Variants in SMG6 observed in about 807,000 individuals in gnomAD.
SMG6 encodes SMG6 nonsense mediated mRNA decay factor, also known as telomerase-binding protein EST1A.
SMG6 carries 66 observed loss-of-function variants against 142.2 expected under a neutral mutation model. The ratio of observed to expected loss-of-function variants is 0.46; its 90% CI spans 0.38 to 0.57. The LOEUF is 0.57. Among genes scored for constraint, SMG6 ranks in the 20% least tolerant of loss-of-function variants. SMG6 has a pLI of 0.00. For synonymous variants in SMG6, 779 were observed against 702.4 expected, an observed-to-expected ratio of 1.11 and a Z score of -1.72; for missense variants, 1,793 against 1,832.0, an observed-to-expected ratio of 0.98 and a Z score of 0.39.
chr17:2,121,839 C>T (rs1474643078), intron 13 of SMG6, among the ~76,000 whole-genome samples: 1 of 151,696 alleles, frequency 6.6e-6, no homozygotes, highest in Admixed American at 6.6e-5. Flanking sequence ...CTGGTCTTTT[C>T]TTTTCTTTTC....
intron 13 of SMG6, chr17:2,127,338 G>A (rs992323621): frequency 2.0e-6 from 1 of 498,972 alleles, no homozygotes. Context: ...ACAACACTGT[G>A]AATGTACTTA....
At chr17:2,164,741 A>G (rs1328674855) in intron 13 of SMG6, among the ~76,000 whole-genome samples, 2 of 152,270 alleles carry the variant, frequency 1.3e-5, no homozygotes, top group East Asian at 3.9e-4. Context: ...GTTTGAGACC[A>G]GCCTGGCTAA....
intron 12 of SMG6, 30 bp from the exon 13 acceptor site, chr17:2,172,889 C>T: frequency 1.3e-6 from 2 of 1,599,292 alleles, no homozygotes; most frequent in Non-Finnish European, 8.6e-7. Context: ...AAAAGAGCAG[C>T]TCTAAAGAGG....
intron 8 of SMG6, among the ~76,000 whole-genome samples, chr17:2,267,453 C>T (rs1476653922): frequency 6.6e-6 from 1 of 152,142 alleles, no homozygotes; most frequent in Non-Finnish European, 1.5e-5. Flanking sequence ...CTGCCTCAGC[C>T]TCCCAATGTG....
At chr17:2,156,235 C>CA (rs971943437) in intron 13 of SMG6, among the ~76,000 whole-genome samples, 5 of 149,380 alleles carry the variant, frequency 3.3e-5, no homozygotes, top group Admixed American at 2.0e-4. Flanking sequence ...ACTAAAAATA[C>CA]AAAAAAAATT....
intron 14 of SMG6, among the ~76,000 whole-genome samples, chr17:2,084,000 G>GA (rs1023201601): frequency 6.6e-6 from 1 of 151,840 alleles, no homozygotes; most frequent in African/African-American, 2.4e-5. Context: ...CTTAGAACGA[G>GA]AAAAAAAAGT....
rs2073665252 is a variant in SMG6, at chr17:2,236,693, ACTCT to A, written c.2724-60_2724-57del. 24 of 1,352,230 alleles carry A rather than the reference ACTCT, an allele frequency of 1.8e-5. 1 individual carries two copies. In the East Asian group the frequency reaches 6.8e-4, roughly 38 times the overall value. 83.8% of individuals were successfully genotyped at this position (1,352,230 alleles called of 1,614,324 possible). A position where few individuals can be genotyped will look rare whatever the true frequency, so the allele number is the denominator to read the frequency against. On this transcript the variant is annotated intron_variant, in intron 9 of 18. Transcript: ENST00000263073. ...ACCTCTCTCTTTCAGTCTCTCTCTC[ACTCT>A]GTCTCACACACACACACACACACAC...
rs1353649953 is a variant in SMG6, at chr17:2,060,335, G to A, written c.*1157C>T. The stretch of plus-strand genomic sequence containing the variant: ...GGAAAGGGCCCCTGTGTCAGTGTCA[G>A]TTTTTCCGGGGAGTGAGGGCAAAGC... On this transcript the variant is annotated 3_prime_UTR_variant, in exon 19 of 19. Coordinates refer to ENST00000263073, the MANE Select transcript of SMG6 (RefSeq NM_017575.5). 1.3e-5 allele frequency: 2 copies of A among 152,280 alleles called. No individual in the cohort carries two copies. Among genetic ancestry groups the A allele is most frequent in the Non-Finnish European group, 2.9e-5 (2 of 68,072 alleles). 9.4% of individuals were successfully genotyped at this position (152,280 alleles called of 1,614,324 possible).
intron 10 of SMG6, among the ~76,000 whole-genome samples, chr17:2,192,137 G>A (rs1478115093): frequency 6.6e-6 from 1 of 152,232 alleles, no homozygotes; most frequent in Non-Finnish European, 1.5e-5. Flanking sequence ...TGAGGCAGGA[G>A]GGGCGGAGAG....
chr17:2,174,993 C>T (rs959180457), intron 12 of SMG6, among the ~76,000 whole-genome samples: 3 of 152,308 alleles, frequency 2.0e-5, no homozygotes, highest in East Asian at 1.9e-4. Flanking sequence ...GTTTATCCTC[C>T]GGTCCCGGCT....
intron 1 of SMG6, 171 bp downstream of exon 1, chr17:2,303,462 C>G (rs748024954): frequency 1.5e-6 from 2 of 1,318,162 alleles, no homozygotes; most frequent in Non-Finnish European, 1.9e-6. Flanking sequence ...CGACCCCGCA[C>G]TAACCCGCGA....
chr17:2,098,007 G>T (rs572056969), intron 13 of SMG6, among the ~76,000 whole-genome samples: 3 of 152,070 alleles, frequency 2.0e-5, no homozygotes, highest in African/African-American at 7.2e-5. Flanking sequence ...TGGGGGGCGG[G>T]GGACAGGGTC....
chr17:2,103,980 C>A (rs1479546318), intron 13 of SMG6, among the ~76,000 whole-genome samples: 1 of 147,160 alleles, frequency 6.8e-6, no homozygotes, highest in Admixed American at 6.8e-5. Context: ...CAGTTGGAAT[C>A]TTGTTCTGTA....
chr17:2,258,639 C>A (rs1032018954), intron 8 of SMG6, among the ~76,000 whole-genome samples: 7 of 148,956 alleles, frequency 4.7e-5, no homozygotes, highest in East Asian at 2.0e-4. Context: ...CTTGTTTCTA[C>A]GAAAAAATAA....
chr17:2,082,436 C>T (rs190860751), intron 14 of SMG6: 8 of 162,038 alleles, frequency 4.9e-5, no homozygotes, highest in South Asian at 1.7e-4. Flanking sequence ...GTTCCCTTGC[C>T]GCAGACAGCA....
intron 10 of SMG6, among the ~76,000 whole-genome samples, chr17:2,190,872 A>G (rs1303639441): frequency 6.6e-6 from 1 of 152,174 alleles, no homozygotes; most frequent in Non-Finnish European, 1.5e-5. Context: ...GCGGAGTATT[A>G]AGCAGTAACT....
intron 10 of SMG6, among the ~76,000 whole-genome samples, chr17:2,198,467 C>CCA (rs146101643): frequency 2.6e-5 from 4 of 151,840 alleles, no homozygotes; most frequent in African/African-American, 7.3e-5. Context: ...GCACAGAACC[C>CCA]CACACACACA....
chr17:2,201,213 G>A (rs2072510824), intron 10 of SMG6, among the ~76,000 whole-genome samples: 1 of 152,156 alleles, frequency 6.6e-6, no homozygotes, highest in Non-Finnish European at 1.5e-5. Flanking sequence ...GGGCAAAGAA[G>A]ATATATGGAT....
At chr17:2,090,324 G>A (rs2068683431) in intron 13 of SMG6, among the ~76,000 whole-genome samples, 1 of 152,040 alleles carries the variant, frequency 6.6e-6, no homozygotes, top group South Asian at 2.1e-4. Flanking sequence ...GAGAAAACGA[G>A]CTATATGCTG....
Sources: gnomAD v4.1 joint callset for allele counts (sites outside exome capture counted in the v4.1 genomes callset) on GRCh38, gnomAD v4.1.1 for gene constraint, MANE v1.5 for transcripts, NCBI Gene and HGNC (gene_info 2026-07-23, HGNC 2026-07-21) for gene names.